Variants in NUP37 observed in about 807,000 individuals in gnomAD.
The protein encoded by NUP37 is nucleoporin 37, also known as nucleoporin Nup37.
In NUP37, 33 loss-of-function variants were observed where a neutral mutation model predicts 45.4. That is an observed-to-expected ratio of 0.73 (90% CI 0.55 to 0.97). The LOEUF (loss-of-function observed/expected upper bound fraction) is 0.97, where lower values mean the gene tolerates loss of function less well. NUP37 is among the 50% of genes least tolerant of loss of function. NUP37 has a pLI of 0.00. For missense variants in NUP37, 365 were observed against 389.7 expected (o/e 0.94, Z 0.53); for synonymous variants, 127 against 130.7 (o/e 0.97, Z 0.19).
intron 6 of NUP37, chr12:102,079,259 G>A: frequency 2.2e-6 from 1 of 455,774 alleles, no homozygotes; most frequent in Admixed American, 2.4e-5. Context: ...AAAACTTACT[G>A]TATGGCTAAA....
chr12:102,111,831 C>T (rs974106859), intron 3 of NUP37, among the ~76,000 whole-genome samples: 2 of 152,164 alleles, frequency 1.3e-5, no homozygotes, highest in Admixed American at 1.3e-4. Flanking sequence ...ATTCAGTGAA[C>T]AATCTGTAAA....
intron 6 of NUP37, among the ~76,000 whole-genome samples, chr12:102,083,552 G>T (rs1424861637): frequency 6.6e-6 from 1 of 152,034 alleles, no homozygotes; most frequent in Non-Finnish European, 1.5e-5. Context: ...TAGATTTTTT[G>T]ATTCTAAAAC....
Position 102,074,252 on chromosome 12 carries a change from G to T in NUP37, c.*102C>A, listed in dbSNP as rs1008872066. On this transcript the variant is annotated 3_prime_UTR_variant, in exon 10 of 10. Transcript: ENST00000552283. Reference sequence around the variant, plus strand: ...AACTGAGACATTTTCTAAAGTATACGGTATATTTGATATAAAAATTCTTCA... The same window carrying T: ...AACTGAGACATTTTCTAAAGTATACTGTATATTTGATATAAAAATTCTTCA... 2 of 592,238 alleles carry T rather than the reference G, an allele frequency of 3.4e-6. No homozygotes were observed. Among genetic ancestry groups the T allele is most frequent in the Non-Finnish European group, 2.9e-6 (1 of 344,170 alleles). The allele number at this position is 592,238 out of a possible 1,614,324, so 36.7% of individuals were successfully genotyped here. A position where few individuals can be genotyped will look rare whatever the true frequency, so the allele number is the denominator to read the frequency against.
intron 3 of NUP37, among the ~76,000 whole-genome samples, chr12:102,110,447 G>A (rs1880281282): frequency 6.6e-6 from 1 of 151,900 alleles, no homozygotes; most frequent in Admixed American, 6.6e-5. Flanking sequence ...GGTTGAGGCT[G>A]CAGTAAGCTG....
rs557535787 is a variant in NUP37 at position 102,104,875 on chromosome 12, A to C, written c.282-3771T>G. Among the ~76,000 whole-genome samples the C allele has an allele frequency of 1.1e-4, 17 of 152,358 alleles. No homozygotes were observed. In the East Asian group the frequency reaches 2.9e-3, roughly 26 times the overall value. ...AGCATTGCGATACGATTTGAAATAA[A>C]GAAGTGTGAGAACTTCAGCTTTCTC... On this transcript the variant is annotated intron_variant, in intron 3 of 9. Coordinates refer to ENST00000552283, the MANE Select transcript of NUP37 (RefSeq NM_024057.4).
At position 102,098,963 on chromosome 12, in the gene NUP37, T is replaced by C. The variant is rs929823804; in HGVS notation, c.449+143A>G. ...GGTTTTGAAACTCATGTTTGTGCCA[T>C]ACCTACAGTTCAAATAAGGTATGCT... On this transcript the variant is annotated intron_variant, in intron 5 of 9. Transcript: ENST00000552283. The C allele has an allele frequency of 8.9e-6, 6 of 677,064 alleles. No homozygotes were observed. In the Admixed American group the frequency reaches 1.3e-4, roughly 15 times the overall value. 41.9% of individuals were successfully genotyped at this position (677,064 alleles called of 1,614,324 possible). A position where few individuals can be genotyped will look rare whatever the true frequency, so the allele number is the denominator to read the frequency against.
chr12:102,109,436 T>C (rs1279020221), intron 3 of NUP37, among the ~76,000 whole-genome samples: 2 of 152,176 alleles, frequency 1.3e-5, no homozygotes, highest in African/African-American at 2.4e-5. Flanking sequence ...AGAGTTACTA[T>C]AGTATAATCA....
At chr12:102,090,719 G>A (rs1312108329) in intron 5 of NUP37, among the ~76,000 whole-genome samples, 1 of 152,140 alleles carries the variant, frequency 6.6e-6, no homozygotes, top group Non-Finnish European at 1.5e-5. Flanking sequence ...TATTTTCATT[G>A]AAGACATTGT....
At chr12:102,079,284 T>C in intron 6 of NUP37, 1 of 454,888 alleles carries the variant, frequency 2.2e-6, no homozygotes, top group African/African-American at 2.0e-5. Context: ...GACTGTTCTT[T>C]AAGAACGTAC....
At chr12:102,096,082 CCTTTTA>C (rs2136734453) in intron 5 of NUP37, among the ~76,000 whole-genome samples, 1 of 152,080 alleles carries the variant, frequency 6.6e-6, no homozygotes, top group South Asian at 2.1e-4. Context: ...TCTTTGTTTT[CCTTTTA>C]TAGAATATAT....
intron 3 of NUP37, among the ~76,000 whole-genome samples, chr12:102,104,879 G>A (rs1345564526): frequency 6.6e-6 from 1 of 152,178 alleles, no homozygotes; most frequent in African/African-American, 2.4e-5. Context: ...AAATAAAGAA[G>A]TGTGAGAACT....
intron 2 of NUP37, among the ~76,000 whole-genome samples, chr12:102,116,910 G>A (rs1227535088): frequency 2.0e-5 from 3 of 152,198 alleles, no homozygotes; most frequent in Non-Finnish European, 4.4e-5. Flanking sequence ...GCTGAGGCAG[G>A]ATAATTGCTT....
chr12:102,095,128 A>G (rs1879766308), intron 5 of NUP37, among the ~76,000 whole-genome samples: 1 of 152,090 alleles, frequency 6.6e-6, no homozygotes, highest in African/African-American at 2.4e-5. Context: ...TCTAATATAC[A>G]AGAACATCTG....
At chr12:102,119,035 G>T (rs1880599221) in intron 1 of NUP37, 1 of 152,426 alleles carries the variant, frequency 6.6e-6, no homozygotes, top group Non-Finnish European at 1.5e-5. Context: ...TGAGGCTTCA[G>T]TAGGTTAACT....
At chr12:102,075,998 A>AG (rs1297867311) in intron 8 of NUP37, among the ~76,000 whole-genome samples, 1 of 152,076 alleles carries the variant, frequency 6.6e-6, no homozygotes, top group Non-Finnish European at 1.5e-5. Flanking sequence ...AGAATAGCAG[A>AG]GGGAAAGGAT....
intron 6 of NUP37, chr12:102,079,258 T>C (rs774624996): frequency 1.9e-4 from 88 of 455,914 alleles, no homozygotes; most frequent in Admixed American, 7.5e-4. Flanking sequence ...AAAAACTTAC[T>C]GTATGGCTAA....
At chr12:102,118,274 T>C in intron 2 of NUP37, 89 bp downstream of exon 2, 2 of 1,246,146 alleles carry the variant, frequency 1.6e-6, no homozygotes, top group Non-Finnish European at 1.1e-6. Context: ...TCAAACTCAA[T>C]ATACTTTCAA....
intron 9 of NUP37, chr12:102,074,794 A>T: frequency 2.2e-6 from 1 of 456,038 alleles, no homozygotes; most frequent in Non-Finnish European, 3.8e-6. Flanking sequence ...GGCCAAAAAA[A>T]CCTGTTGTCA....
intron 3 of NUP37, among the ~76,000 whole-genome samples, chr12:102,110,307 C>T (rs1232023444): frequency 6.6e-6 from 1 of 151,954 alleles, no homozygotes; most frequent in Non-Finnish European, 1.5e-5. Context: ...CGAGACCAGC[C>T]TGGGCAACAT....
Sources: gnomAD v4.1 joint callset for allele counts (sites outside exome capture counted in the v4.1 genomes callset) on GRCh38, gnomAD v4.1.1 for gene constraint, MANE v1.5 for transcripts, NCBI Gene and HGNC (gene_info 2026-07-23, HGNC 2026-07-21) for gene names.